Variants in GRM3 observed in about 807,000 individuals in gnomAD.
The protein encoded by GRM3 is metabotropic glutamate receptor 3.
In GRM3, 26 loss-of-function variants were observed where a neutral mutation model predicts 70.5. That is an observed-to-expected ratio of 0.37 (90% CI 0.27 to 0.51). The LOEUF is 0.51. Ranked by LOEUF, GRM3 falls within the 20% of genes least tolerant of loss-of-function variation. The pLI, the probability that GRM3 is intolerant of heterozygous loss-of-function variation, is 0.93. For missense variants in GRM3, 859 were observed against 1,123.8 expected (o/e 0.76, Z 3.37); for synonymous variants, 443 against 434.9 (o/e 1.02, Z -0.23).
At chr7:86,778,355 C>G (rs902562222) in intron 2 of GRM3, among the ~76,000 whole-genome samples, 4 of 152,070 alleles carry the variant, frequency 2.6e-5, no homozygotes, top group Non-Finnish European at 5.9e-5. Context: ...TGTAAAACTT[C>G]TGAAAATAAT....
chr7:86,670,512 C>T (rs1030966754), intron 1 of GRM3, among the ~76,000 whole-genome samples: 7 of 152,182 alleles, frequency 4.6e-5, no homozygotes, highest in African/African-American at 1.7e-4. Context: ...TATCTTGAGT[C>T]CACAAATCCA....
chr7:86,722,128 T>C (rs973571906), intron 1 of GRM3, among the ~76,000 whole-genome samples: 2 of 152,074 alleles, frequency 1.3e-5, no homozygotes, highest in African/African-American at 2.4e-5. Context: ...TTCTGAAAAG[T>C]ACAGATTCCC....
intron 5 of GRM3, among the ~76,000 whole-genome samples, chr7:86,858,569 C>T (rs929154075): frequency 1.3e-5 from 2 of 152,156 alleles, no homozygotes; most frequent in Non-Finnish European, 2.9e-5. Flanking sequence ...ACCAGACGCC[C>T]AGTGCCATGC....
At chr7:86,827,777 T>A (rs13236960) in intron 3 of GRM3, among the ~76,000 whole-genome samples, 1 of 152,120 alleles carries the variant, frequency 6.6e-6, no homozygotes, top group Non-Finnish European at 1.5e-5. Context: ...GTGCTGGGAT[T>A]ACAGGCATGA....
intron 1 of GRM3, among the ~76,000 whole-genome samples, chr7:86,684,047 T>A (rs1337348423): frequency 6.6e-6 from 1 of 151,640 alleles, no homozygotes; most frequent in African/African-American, 2.4e-5. Context: ...TTATATTTGC[T>A]GGGGATTTTT....
chr7:86,762,165 A>G (rs976379364), intron 1 of GRM3, among the ~76,000 whole-genome samples: 1 of 152,164 alleles, frequency 6.6e-6, no homozygotes. Context: ...GCACGTAAAG[A>G]TCAAAGAGAC....
chr7:86,774,269 G>C (rs535871884), intron 2 of GRM3, among the ~76,000 whole-genome samples: 5 of 152,180 alleles, frequency 3.3e-5, no homozygotes, highest in Non-Finnish European at 7.4e-5. Flanking sequence ...TAGTAGAGGT[G>C]CTTCTACTGA....
chr7:86,746,664 C>T (rs934815553), intron 1 of GRM3, among the ~76,000 whole-genome samples: 1 of 151,836 alleles, frequency 6.6e-6, no homozygotes, highest in Non-Finnish European at 1.5e-5. Context: ...ATTCCTAGCC[C>T]GATGCATTGC....
intron 3 of GRM3, among the ~76,000 whole-genome samples, chr7:86,819,116 C>T (rs1039924708): frequency 2.6e-5 from 4 of 152,064 alleles, no homozygotes; most frequent in African/African-American, 9.7e-5. Flanking sequence ...AGAGTACTTC[C>T]CTTTATACTG....
chr7:86,703,106 T>G (rs1356158286), intron 1 of GRM3, among the ~76,000 whole-genome samples: 3 of 151,692 alleles, frequency 2.0e-5, no homozygotes, highest in African/African-American at 7.3e-5. Context: ...TATGTTGGGG[T>G]TTTTTTTCCA....
At chr7:86,740,091 T>A (rs1167882811) in intron 1 of GRM3, among the ~76,000 whole-genome samples, 1 of 152,030 alleles carries the variant, frequency 6.6e-6, no homozygotes, top group Non-Finnish European at 1.5e-5. Flanking sequence ...ATAATTGAAC[T>A]TAAGAAAACT....
Position 86,827,923 on chromosome 7 carries a change from T to C in GRM3, c.1325-10916T>C, listed in dbSNP as rs186211376. Among the ~76,000 whole-genome samples the C allele has an allele frequency of 2.1e-3, 324 of 152,084 alleles. 3 individuals carry two copies. Among genetic ancestry groups the C allele is most frequent in the African/African-American group, 7.6e-3 (314 of 41,530 alleles). On this transcript the variant is annotated intron_variant, in intron 3 of 5. Coordinates refer to ENST00000361669, the MANE Select transcript of GRM3 (RefSeq NM_000840.3). ...GTCAGGAGATGGAGACCATCCTGGC[T>C]AACACGGTGAAACCCTGTCTCTACT...
At chr7:86,730,352 G>A (rs988372023) in intron 1 of GRM3, among the ~76,000 whole-genome samples, 1 of 152,202 alleles carries the variant, frequency 6.6e-6, no homozygotes, top group African/African-American at 2.4e-5. Flanking sequence ...ACCGGGAGGC[G>A]GAGGTTGCAG....
intron 2 of GRM3, among the ~76,000 whole-genome samples, chr7:86,770,330 G>A (rs1796706868): frequency 6.6e-6 from 1 of 152,066 alleles, no homozygotes; most frequent in African/African-American, 2.4e-5. Flanking sequence ...AGAGAGCCTT[G>A]AAAGGACCTT....
intron 1 of GRM3, among the ~76,000 whole-genome samples, chr7:86,687,369 T>C (rs982413800): frequency 6.6e-6 from 1 of 151,940 alleles, no homozygotes; most frequent in Non-Finnish European, 1.5e-5. Context: ...GCCTGGGGTG[T>C]AGCCAGGGTA....
At chr7:86,663,838 T>A (rs1446946453) in intron 1 of GRM3, among the ~76,000 whole-genome samples, 2 of 136,292 alleles carry the variant, frequency 1.5e-5, no homozygotes, top group African/African-American at 4.9e-5. Context: ...AATTAAGAGA[T>A]AATGTTGTGA....
chr7:86,807,508 T>C (rs1262214781), intron 3 of GRM3, among the ~76,000 whole-genome samples: 1 of 151,704 alleles, frequency 6.6e-6, no homozygotes, highest in East Asian at 1.9e-4. Context: ...TTTGAAGCAA[T>C]TGTGAATGGG....
At chr7:86,834,627 A>C (rs16888215) in intron 3 of GRM3, among the ~76,000 whole-genome samples, 6,784 of 149,700 alleles carry the variant, frequency 0.045, 502 homozygotes, top group African/African-American at 0.16. Context: ...AGTCTCTTTC[A>C]ATCAGTTTTA....
At position 86,831,311 on chromosome 7, in the gene GRM3, C is replaced by T. The variant is rs182643206; in HGVS notation, c.1325-7528C>T. 6.3e-3 allele frequency among the ~76,000 whole-genome samples: 958 copies of T among 151,892 alleles called. 7 individuals carry two copies. Among genetic ancestry groups the T allele is most frequent in the South Asian group, 0.026 (127 of 4,800 alleles). ...CATGATAACCCACTTTTTCAAAATG[C>T]TTTTTTTTGTATGCATTAAAACTCA... On this transcript the variant is annotated intron_variant, in intron 3 of 5. Transcript: ENST00000361669.
Sources: gnomAD v4.1 joint callset for allele counts (sites outside exome capture counted in the v4.1 genomes callset) on GRCh38, gnomAD v4.1.1 for gene constraint, MANE v1.5 for transcripts, NCBI Gene and HGNC (gene_info 2026-07-23, HGNC 2026-07-21) for gene names.